Variants in TRDN observed in about 807,000 individuals in gnomAD.
TRDN encodes triadin.
A neutral mutation model predicts 149.7 loss-of-function variants in TRDN; 161 were observed. The observed-to-expected ratio is 1.08, with a 90% CI of 0.95 to 1.23. The LOEUF is 1.23. TRDN is among the 50% of genes most tolerant of loss of function. The pLI, the probability that TRDN is intolerant of heterozygous loss-of-function variation, is 0.00. For synonymous variants in TRDN, 294 were observed against 250.5 expected, an observed-to-expected ratio of 1.17 and a Z score of -1.64; for missense variants, 896 against 823.5, an observed-to-expected ratio of 1.09 and a Z score of -1.08.
chr6:123,413,537 T>C (rs1266314974), intron 12 of TRDN, among the ~76,000 whole-genome samples: 4 of 152,156 alleles, frequency 2.6e-5, no homozygotes, highest in Non-Finnish European at 4.4e-5. Flanking sequence ...GGTGAAGCTT[T>C]GGTTCTTTAT....
intron 12 of TRDN, among the ~76,000 whole-genome samples, chr6:123,416,244 T>C: frequency 6.6e-6 from 1 of 152,200 alleles, no homozygotes; most frequent in African/African-American, 2.4e-5. Context: ...TCAGGCCCTT[T>C]GAAAGCATCA....
At chr6:123,282,117 C>T (rs1370370400) in intron 24 of TRDN, among the ~76,000 whole-genome samples, 1 of 151,908 alleles carries the variant, frequency 6.6e-6, no homozygotes, top group East Asian at 1.9e-4. Context: ...AGAGAGAATA[C>T]TGTGTGACAA....
chr6:123,342,555 TAAG>T (rs889084773), intron 21 of TRDN, among the ~76,000 whole-genome samples: 5 of 152,052 alleles, frequency 3.3e-5, no homozygotes, highest in Non-Finnish European at 5.9e-5. Context: ...TTTTTTAACA[TAAG>T]ATCGCTTTAA....
chr6:123,388,699 G>A, intron 13 of TRDN, 148 bp from the exon 14 acceptor site: 1 of 813,536 alleles, frequency 1.2e-6, no homozygotes, highest in South Asian at 1.9e-5. Flanking sequence ...AGGAGTGTAA[G>A]CAGAAAATAT....
chr6:123,358,789 G>A (rs1353806753), intron 20 of TRDN, among the ~76,000 whole-genome samples: 1 of 151,986 alleles, frequency 6.6e-6, no homozygotes, highest in Non-Finnish European at 1.5e-5. Flanking sequence ...AGCCTAGTAG[G>A]TACGTTTAAA....
At chr6:123,349,643 CT>C in intron 21 of TRDN, 1 of 938,528 alleles carries the variant, frequency 1.1e-6, no homozygotes, top group Non-Finnish European at 1.3e-6. Flanking sequence ...TTGTTTCTGT[CT>C]TTTTTTATAA....
chr6:123,590,608 C>T (rs1028131234), intron 1 of TRDN, among the ~76,000 whole-genome samples: 17 of 151,956 alleles, frequency 1.1e-4, no homozygotes, highest in Non-Finnish European at 7.4e-5. Context: ...ACTAAAAATA[C>T]AAAAATTAGC....
At chr6:123,476,036 A>G (rs1455401728) in intron 9 of TRDN, among the ~76,000 whole-genome samples, 5 of 134,326 alleles carry the variant, frequency 3.7e-5, no homozygotes, top group Non-Finnish European at 8.0e-5. Flanking sequence ...CCTATTCAAC[A>G]TAGTGTTGGA....
chr6:123,602,800 T>C lies in TRDN; in HGVS notation c.23-31668A>G, dbSNP rs116458846. On this transcript the variant is annotated intron_variant, in intron 1 of 40. Coordinates refer to ENST00000334268, the MANE Select transcript of TRDN (RefSeq NM_006073.4). Reference sequence around the variant, plus strand: ...TAAAAGGAAGCTCTTGTTATTTCCATATGTCAGTGGACTAGCACTCACAGC... The same window carrying C: ...TAAAAGGAAGCTCTTGTTATTTCCACATGTCAGTGGACTAGCACTCACAGC... Among the ~76,000 whole-genome samples the C allele has an allele frequency of 4.5e-3, 686 of 152,172 alleles. 5 individuals carry two copies. Among genetic ancestry groups the C allele is most frequent in the African/African-American group, 0.015 (635 of 41,530 alleles).
chr6:123,256,098 C>T (rs1048339174), intron 35 of TRDN, among the ~76,000 whole-genome samples, 196 bp from the exon 36 acceptor site: 2 of 152,038 alleles, frequency 1.3e-5, no homozygotes, highest in Non-Finnish European at 2.9e-5. Context: ...TTAACCCCCA[C>T]CCTCAGAGAG....
rs372520785 is a variant in TRDN, at chr6:123,434,476, G to C, written c.1051+3587C>G. Among the ~76,000 whole-genome samples the C allele has an allele frequency of 3.9e-5, 6 of 152,230 alleles. No homozygotes were observed. The East Asian group carries it at 1.2e-3, about 29-fold the overall frequency. On this transcript the variant is annotated intron_variant, in intron 12 of 40. Coordinates refer to ENST00000334268, the MANE Select transcript of TRDN (RefSeq NM_006073.4). Reference sequence around the variant, plus strand: ...GTGGTTGTGAGAAGACAGTGCTGGTGAACAAAGCAGTCTCCTAACCTGTTG... The same window carrying C: ...GTGGTTGTGAGAAGACAGTGCTGGTCAACAAAGCAGTCTCCTAACCTGTTG...
At position 123,548,503 on chromosome 6, in the gene TRDN, G is replaced by A. The variant is rs1310014973; in HGVS notation, c.342C>T (p.Ile114=). ...YGFFSLLSDI[I]SSEDEEDDDG... is the part of the protein sequence containing the mutation. ...CATCATCTTCTTCATCTTCAGATGA[G>A]ATGATGTCAGATAACAAAGAAAAGA... Residue 114 remains isoleucine, a synonymous_variant, in exon 3 of 41, where the codon ATC becomes ATT. Transcript: ENST00000334268. 1 of 1,578,112 alleles carries A rather than the reference G, an allele frequency of 6.3e-7. No homozygotes were observed. Among genetic ancestry groups the A allele is most frequent in the South Asian group, 1.2e-5 (1 of 85,066 alleles).
chr6:123,371,797 C>T (rs1781336555), intron 19 of TRDN, among the ~76,000 whole-genome samples: 1 of 152,086 alleles, frequency 6.6e-6, no homozygotes, highest in Non-Finnish European at 1.5e-5. Flanking sequence ...ACCCTACCAC[C>T]TAAGGCAGTC....
At chr6:123,536,546 G>C (rs1780540954) in intron 4 of TRDN, among the ~76,000 whole-genome samples, 1 of 151,778 alleles carries the variant, frequency 6.6e-6, no homozygotes, top group South Asian at 2.1e-4. Flanking sequence ...ATATGCCAAA[G>C]GTACTTATAA....
intron 9 of TRDN, among the ~76,000 whole-genome samples, chr6:123,488,563 C>CT (rs150979765): frequency 1.2e-3 from 184 of 152,288 alleles, no homozygotes; most frequent in African/African-American, 4.3e-3. Flanking sequence ...TCCCATGACT[C>CT]TATCTCTGTG....
chr6:123,537,804 C>T (rs1176013013), intron 4 of TRDN, among the ~76,000 whole-genome samples: 1 of 152,138 alleles, frequency 6.6e-6, no homozygotes, highest in African/African-American at 2.4e-5. Context: ...TGTGAATGAG[C>T]TGATTTTGTA....
intron 12 of TRDN, among the ~76,000 whole-genome samples, chr6:123,396,159 T>C (rs912440077): frequency 5.3e-5 from 8 of 152,228 alleles, no homozygotes; most frequent in Non-Finnish European, 7.3e-5. Flanking sequence ...AATATTGTAC[T>C]ACTGAAAACA....
intron 24 of TRDN, among the ~76,000 whole-genome samples, chr6:123,280,214 G>A (rs575266727): frequency 1.3e-5 from 2 of 152,186 alleles, no homozygotes; most frequent in Non-Finnish European, 2.9e-5. Context: ...AGAAGAGGAA[G>A]GGAGTTCTGG....
At chr6:123,572,147 G>T (rs139989152) in intron 1 of TRDN, among the ~76,000 whole-genome samples, 25 of 152,190 alleles carry the variant, frequency 1.6e-4, no homozygotes, top group Middle Eastern at 3.4e-3. Flanking sequence ...AATAAGAGAA[G>T]ATTTGAATTT....
Sources: gnomAD v4.1 joint callset for allele counts (sites outside exome capture counted in the v4.1 genomes callset) on GRCh38, gnomAD v4.1.1 for gene constraint, MANE v1.5 for transcripts, NCBI Gene and HGNC (gene_info 2026-07-23, HGNC 2026-07-21) for gene names.